HS3ST4: variants seen among roughly 807,000 people sequenced by gnomAD.
HS3ST4 encodes the protein heparan sulfate-glucosamine 3-sulfotransferase 4.
A neutral mutation model predicts 29.2 loss-of-function variants in HS3ST4; 17 were observed. The ratio of observed to expected loss-of-function variants is 0.58; its 90% CI spans 0.40 to 0.87. The LOEUF (loss-of-function observed/expected upper bound fraction) is 0.87. Among genes scored for constraint, HS3ST4 ranks in the 40% least tolerant of loss-of-function variants. The pLI is 0.00. For synonymous variants in HS3ST4, 314 were observed against 285.7 expected, an observed-to-expected ratio of 1.10 and a Z score of -1.00; for missense variants, 627 against 634.5, an observed-to-expected ratio of 0.99 and a Z score of 0.13.
rs534356947 is a variant in HS3ST4, at chr16:26,066,800, A to G, written c.735-68812A>G. ...CACTTTAGAATGAGAGCCTCACTCTACATTCTTTCTATGACCAAAGGAAGG... is the reference window on the plus strand; with the variant it reads ...CACTTTAGAATGAGAGCCTCACTCTGCATTCTTTCTATGACCAAAGGAAGG... On this transcript the variant is annotated intron_variant, in intron 1 of 1. Coordinates refer to ENST00000331351, the MANE Select transcript of HS3ST4 (RefSeq NM_006040.3). Among the ~76,000 whole-genome samples, 3 of 152,336 alleles carry G rather than the reference A, an allele frequency of 2.0e-5. No homozygotes were observed. In the South Asian group the frequency reaches 6.2e-4, roughly 32 times the overall value.
At chr16:26,032,386 A>T (rs1969539177) in intron 1 of HS3ST4, among the ~76,000 whole-genome samples, 1 of 152,088 alleles carries the variant, frequency 6.6e-6, no homozygotes. Context: ...CTTCCCCCAA[A>T]AACAACAATG....
chr16:25,847,183 A>G (rs1037521953), intron 1 of HS3ST4, among the ~76,000 whole-genome samples: 1 of 152,060 alleles, frequency 6.6e-6, no homozygotes, highest in African/African-American at 2.4e-5. Context: ...TAACTTATTT[A>G]TTGTTAAATG....
Position 25,867,402 on chromosome 16 carries a change from G to A in HS3ST4, c.734+174251G>A, listed in dbSNP as rs150471507. Among the ~76,000 whole-genome samples, 8 of 152,258 alleles carry A rather than the reference G, an allele frequency of 5.3e-5. No individual in the cohort carries two copies. In the East Asian group the frequency reaches 1.5e-3, roughly 29 times the overall value. On this transcript the variant is annotated intron_variant, in intron 1 of 1. Transcript: ENST00000331351. ...AGGGGAGAAATTAGGTCAACTCTTA[G>A]ATTTGAAACTCTCCCTAAGAGGAGG...
At chr16:26,010,322 C>A (rs142458062) in intron 1 of HS3ST4, among the ~76,000 whole-genome samples, 4 of 152,162 alleles carry the variant, frequency 2.6e-5, no homozygotes, top group African/African-American at 9.6e-5. Flanking sequence ...GGTACAGTGG[C>A]GTGCTCCTGT....
chr16:25,855,650 A>G (rs552928358), intron 1 of HS3ST4, among the ~76,000 whole-genome samples: 1 of 152,276 alleles, frequency 6.6e-6, no homozygotes, highest in South Asian at 2.1e-4. Flanking sequence ...AGAGGAGTGT[A>G]ACAAGTTATG....
intron 1 of HS3ST4, among the ~76,000 whole-genome samples, chr16:26,079,861 G>A (rs1193733098): frequency 6.6e-6 from 1 of 152,176 alleles, no homozygotes; most frequent in Non-Finnish European, 1.5e-5. Flanking sequence ...GGAAGTCAAT[G>A]TAAACATGGA....
intron 1 of HS3ST4, among the ~76,000 whole-genome samples, chr16:25,704,714 C>T (rs2141582128): frequency 6.6e-6 from 1 of 152,138 alleles, no homozygotes. Context: ...CCCGTCTCTA[C>T]TAAAAACACA....
chr16:25,981,225 C>T (rs1252459000), intron 1 of HS3ST4, among the ~76,000 whole-genome samples: 5 of 151,950 alleles, frequency 3.3e-5, no homozygotes, highest in East Asian at 1.9e-4. Context: ...GGCGTGGTGA[C>T]GCTTGCCTGT....
intron 1 of HS3ST4, among the ~76,000 whole-genome samples, chr16:26,000,878 C>T (rs1384280473): frequency 6.6e-6 from 1 of 152,080 alleles, no homozygotes; most frequent in Admixed American, 6.5e-5. Context: ...CGTGAGAAAA[C>T]ATCAGATGAA....
At chr16:26,059,549 A>T (rs1898450773) in intron 1 of HS3ST4, among the ~76,000 whole-genome samples, 1 of 152,180 alleles carries the variant, frequency 6.6e-6, no homozygotes, top group Non-Finnish European at 1.5e-5. Flanking sequence ...GAAGTCATTC[A>T]TTAATGCATT....
At chr16:25,710,685 A>G (rs1051913844) in intron 1 of HS3ST4, among the ~76,000 whole-genome samples, 1 of 151,846 alleles carries the variant, frequency 6.6e-6, no homozygotes, top group Non-Finnish European at 1.5e-5. Flanking sequence ...TTATTTTAAG[A>G]TTCTGAAGAC....
intron 1 of HS3ST4, among the ~76,000 whole-genome samples, chr16:25,976,120 C>A (rs1968940791): frequency 6.6e-6 from 1 of 152,172 alleles, no homozygotes; most frequent in African/African-American, 2.4e-5. Flanking sequence ...AAACTGTACC[C>A]TCAACAGCAA....
intron 1 of HS3ST4, among the ~76,000 whole-genome samples, chr16:26,068,861 C>T (rs1898569594): frequency 4.6e-5 from 7 of 151,922 alleles, no homozygotes; most frequent in Admixed American, 4.6e-4. Flanking sequence ...TGTATGATTT[C>T]AAGGATGTTT....
Position 25,725,458 on chromosome 16 carries a change from T to C in HS3ST4, c.734+32307T>C, listed in dbSNP as rs1966528532. On this transcript the variant is annotated intron_variant, in intron 1 of 1. Coordinates refer to ENST00000331351, the MANE Select transcript of HS3ST4 (RefSeq NM_006040.3). Reference sequence around the variant, plus strand: ...CCATAATCCTACCATCCAGAGGATATCTTTTCTGTGCCAAAAGCCTTTAAA... The same window carrying C: ...CCATAATCCTACCATCCAGAGGATACCTTTTCTGTGCCAAAAGCCTTTAAA... Among the ~76,000 whole-genome samples, 3 of 152,290 alleles carry C rather than the reference T, an allele frequency of 2.0e-5. No individual in the cohort carries two copies. In the South Asian group the frequency reaches 6.2e-4, roughly 32 times the overall value.
chr16:25,718,550 AT>A (rs1966473362), intron 1 of HS3ST4, among the ~76,000 whole-genome samples: 1 of 152,122 alleles, frequency 6.6e-6, no homozygotes, highest in Non-Finnish European at 1.5e-5. Context: ...TGTTGTTTAA[AT>A]TCCTAAATCC....
intron 1 of HS3ST4, among the ~76,000 whole-genome samples, chr16:26,082,920 A>G (rs1007379829): frequency 6.6e-6 from 1 of 152,260 alleles, no homozygotes; most frequent in Non-Finnish European, 1.5e-5. Context: ...TGGTTGCTAC[A>G]GAATAACTTG....
chr16:25,723,236 TAAAG>T (rs1260632288), intron 1 of HS3ST4, among the ~76,000 whole-genome samples: 3 of 152,166 alleles, frequency 2.0e-5, no homozygotes, highest in Non-Finnish European at 2.9e-5. Flanking sequence ...ATAAACACGA[TAAAG>T]GAAGAAGATG....
At chr16:25,995,625 C>G (rs1172453883) in intron 1 of HS3ST4, among the ~76,000 whole-genome samples, 1 of 152,096 alleles carries the variant, frequency 6.6e-6, no homozygotes, top group African/African-American at 2.4e-5. Flanking sequence ...CCTGAATGCA[C>G]AAGAACTGTG....
intron 1 of HS3ST4, among the ~76,000 whole-genome samples, chr16:26,084,672 G>A (rs1172030229): frequency 2.0e-5 from 3 of 152,084 alleles, no homozygotes; most frequent in Non-Finnish European, 2.9e-5. Context: ...ACAGTAGCAT[G>A]ATCATAGCTC....
Sources: allele counts gnomAD v4.1 joint callset (sites outside exome capture counted in the v4.1 genomes callset), GRCh38; gene constraint gnomAD v4.1.1; transcripts MANE v1.5; gene names NCBI Gene and HGNC (gene_info 2026-07-23, HGNC 2026-07-21).